The following FBXL17 variants were observed in gnomAD, a reference collection of about 807,000 sequenced individuals.
FBXL17 encodes the protein F-box and leucine rich repeat protein 17, also known as F-box/LRR-repeat protein 17.
FBXL17 carries 22 observed loss-of-function variants against 66.2 expected under a neutral mutation model. The ratio of observed to expected loss-of-function variants is 0.33; its 90% CI spans 0.24 to 0.47. The LOEUF (loss-of-function observed/expected upper bound fraction) is 0.47, where lower values mean the gene tolerates loss of function less well. Ranked by LOEUF, FBXL17 falls within the 20% of genes least tolerant of loss-of-function variation. The pLI, the probability that FBXL17 is intolerant of heterozygous loss-of-function variation, is 1.00. For missense variants in FBXL17, 878 were observed against 948.2 expected (o/e 0.93, Z 0.97); for synonymous variants, 474 against 400.5 (o/e 1.18, Z -2.19).
chr5:107,912,016 CA>C (rs1749964635), intron 7 of FBXL17, among the ~76,000 whole-genome samples: 1 of 152,050 alleles, frequency 6.6e-6, no homozygotes, highest in Non-Finnish European at 1.5e-5. Flanking sequence ...TTTGATAATA[CA>C]AGGTGTAGGC....
intron 7 of FBXL17, among the ~76,000 whole-genome samples, chr5:107,948,491 A>C (rs1316386759): frequency 1.3e-5 from 2 of 152,028 alleles, no homozygotes; most frequent in Non-Finnish European, 2.9e-5. Flanking sequence ...CCAGGGCCTA[A>C]CCATCTCTTG....
At chr5:108,262,094 T>TTTTTA (rs1401680669) in intron 4 of FBXL17, among the ~76,000 whole-genome samples, 1 of 149,634 alleles carries the variant, frequency 6.7e-6, no homozygotes. Flanking sequence ...TTATTTTTTT[T>TTTTTA]GAGACAGAGT....
chr5:108,104,028 T>TTTGTTG (rs758420445), intron 6 of FBXL17, among the ~76,000 whole-genome samples: 2 of 151,988 alleles, frequency 1.3e-5, no homozygotes, highest in Non-Finnish European at 2.9e-5. Context: ...TGCAACCAAT[T>TTTGTTG]TTGTTGTTGT....
chr5:108,370,280 A>T (rs1017930254), intron 1 of FBXL17, among the ~76,000 whole-genome samples: 1 of 152,208 alleles, frequency 6.6e-6, no homozygotes, highest in Admixed American at 6.5e-5. Context: ...GTTGTAATAC[A>T]TGATTTCAAT....
At position 107,911,343 on chromosome 5, in the gene FBXL17, A is replaced by G. The variant is rs529364021; in HGVS notation, c.1823-30164T>C. Among the ~76,000 whole-genome samples the G allele has an allele frequency of 2.0e-5, 3 of 152,292 alleles. No individual in the cohort carries two copies. In the South Asian group the frequency reaches 6.2e-4, roughly 32 times the overall value. ...CGTGTATTAAAATACACAGATGCCA[A>G]TATCACATATAAAAAGCAAATTCCA... On this transcript the variant is annotated intron_variant, in intron 7 of 8. Transcript: ENST00000542267.
At chr5:108,091,996 G>A (rs1395170805) in intron 6 of FBXL17, among the ~76,000 whole-genome samples, 2 of 152,084 alleles carry the variant, frequency 1.3e-5, no homozygotes, top group Non-Finnish European at 2.9e-5. Flanking sequence ...CCTTTGCCTG[G>A]TAAACACAAT....
chr5:108,281,906 C>G (rs2150150949), intron 4 of FBXL17, among the ~76,000 whole-genome samples: 1 of 151,610 alleles, frequency 6.6e-6, no homozygotes, highest in Non-Finnish European at 1.5e-5. Flanking sequence ...ACTAGAAAAC[C>G]CAGAGGAAAT....
chr5:108,155,645 T>G (rs1422968230), intron 6 of FBXL17, among the ~76,000 whole-genome samples: 1 of 152,180 alleles, frequency 6.6e-6, no homozygotes, highest in Non-Finnish European at 1.5e-5. Flanking sequence ...TTAGTAAGAA[T>G]TTATTTTGAT....
At chr5:108,157,638 T>G (rs1158222246) in intron 6 of FBXL17, among the ~76,000 whole-genome samples, 1 of 151,726 alleles carries the variant, frequency 6.6e-6, no homozygotes, top group Non-Finnish European at 1.5e-5. Context: ...TTTAGCATAT[T>G]ATATGCAAAA....
chr5:108,014,818 A>G (rs923298453), intron 7 of FBXL17, among the ~76,000 whole-genome samples: 1 of 152,246 alleles, frequency 6.6e-6, no homozygotes, highest in Non-Finnish European at 1.5e-5. Context: ...TCACAGTTCC[A>G]TGTGACTGGG....
At chr5:108,064,077 A>T (rs1748026425) in intron 6 of FBXL17, among the ~76,000 whole-genome samples, 1 of 152,152 alleles carries the variant, frequency 6.6e-6, no homozygotes, top group South Asian at 2.1e-4. Context: ...ATACTGTTTA[A>T]ATATTCATAA....
intron 6 of FBXL17, among the ~76,000 whole-genome samples, chr5:108,075,581 T>C (rs1393531279): frequency 6.6e-6 from 1 of 152,150 alleles, no homozygotes; most frequent in African/African-American, 2.4e-5. Context: ...GTTCAGGCAA[T>C]TCTCCTGTCT....
At chr5:107,899,276 T>C (rs9328023) in intron 7 of FBXL17, among the ~76,000 whole-genome samples, 21,339 of 152,122 alleles carry the variant, frequency 0.14, 1,856 homozygotes, top group African/African-American at 0.22. Flanking sequence ...CATAAAAATA[T>C]GTGTTAACTG....
chr5:108,043,191 TA>T, intron 6 of FBXL17, among the ~76,000 whole-genome samples: 1 of 152,292 alleles, frequency 6.6e-6, no homozygotes, highest in South Asian at 2.1e-4. Context: ...TCCATCCTAT[TA>T]AAAGGGTCTT....
At chr5:108,316,107 T>C (rs1759350184) in intron 4 of FBXL17, among the ~76,000 whole-genome samples, 1 of 151,476 alleles carries the variant, frequency 6.6e-6, no homozygotes, top group Admixed American at 6.6e-5. Context: ...GTATGTATTA[T>C]GATACATGAA....
At chr5:108,039,756 A>G (rs13357987) in intron 6 of FBXL17, among the ~76,000 whole-genome samples, 20,976 of 152,060 alleles carry the variant, frequency 0.14, 1,570 homozygotes, top group East Asian at 0.17. Context: ...CCTGACCATT[A>G]AAGTAGAAAA....
At chr5:107,922,664 C>T (rs755283501) in intron 7 of FBXL17, among the ~76,000 whole-genome samples, 1 of 152,144 alleles carries the variant, frequency 6.6e-6, no homozygotes, top group African/African-American at 2.4e-5. Flanking sequence ...TCCTGTCACA[C>T]TCACATCTTG....
At chr5:107,900,522 T>A (rs1166600541) in intron 7 of FBXL17, among the ~76,000 whole-genome samples, 2 of 152,188 alleles carry the variant, frequency 1.3e-5, no homozygotes, top group Admixed American at 1.3e-4. Context: ...TTCTCTAAAA[T>A]CTTATGCTTT....
intron 7 of FBXL17, among the ~76,000 whole-genome samples, chr5:107,994,794 C>A (rs34288950): frequency 6.6e-6 from 1 of 151,966 alleles, no homozygotes; most frequent in African/African-American, 2.4e-5. Flanking sequence ...GCCGAGATTG[C>A]GCCACTGCAC....
Sources: gnomAD v4.1 joint callset for allele counts (sites outside exome capture counted in the v4.1 genomes callset) on GRCh38, gnomAD v4.1.1 for gene constraint, MANE v1.5 for transcripts, NCBI Gene and HGNC (gene_info 2026-07-23, HGNC 2026-07-21) for gene names.